The following NAV3 variants were observed in gnomAD, a reference collection of about 807,000 sequenced individuals.
NAV3 encodes neuron navigator 3, also known as pore membrane and/or filament interacting like protein 1.
Under a neutral mutation model 244.7 loss-of-function variants are expected in NAV3, and 87 were observed. That is an observed-to-expected ratio of 0.36 (90% CI 0.30 to 0.42). The LOEUF is 0.42. Among genes scored for constraint, NAV3 ranks in the 20% least tolerant of loss-of-function variants. The probability of loss-of-function intolerance (pLI) is 1.00; values close to 1 mark genes in which losing one functional copy is unlikely to be tolerated. For missense variants in NAV3, 2,663 were observed against 2,893.3 expected, an observed-to-expected ratio of 0.92 and a Z score of 1.83; for synonymous variants, 1,126 against 1,042.2, an observed-to-expected ratio of 1.08 and a Z score of -1.55.
chr12:77,571,877 A>AT (rs577113437), exon 2 of NAV3: 30 of 152,302 alleles, frequency 2.0e-4, no homozygotes, highest in African/African-American at 6.7e-4. Flanking sequence ...GAAATCTGTC[A>AT]TTTTTTATTA....
intron 1 of NAV3, among the ~76,000 whole-genome samples, chr12:77,929,237 C>G (rs1888532977): frequency 6.6e-6 from 1 of 152,106 alleles, no homozygotes; most frequent in Non-Finnish European, 1.5e-5. Flanking sequence ...CAACTAAAAT[C>G]AAACCGTTTT....
chr12:77,906,724 TAC>T (rs1886015654), intron 1 of NAV3, among the ~76,000 whole-genome samples: 1 of 152,102 alleles, frequency 6.6e-6, no homozygotes. Context: ...GTATCCACAT[TAC>T]AGGGATGTTG....
At chr12:77,835,365 T>C (rs577948128) in intron 1 of NAV3, among the ~76,000 whole-genome samples, 22 of 152,318 alleles carry the variant, frequency 1.4e-4, no homozygotes, top group Admixed American at 3.9e-4. Context: ...ACGACTGTCA[T>C]TAAGAAACAT....
chr12:78,168,943 T>A, intron 24 of NAV3, 77 bp downstream of exon 24: 1 of 934,296 alleles, frequency 1.1e-6, no homozygotes, highest in Non-Finnish European at 1.6e-6. Context: ...TAGAACTGCA[T>A]TTACTCAGTG....
At chr12:77,794,077 T>C (rs1477071394) in intron 2 of NAV3, among the ~76,000 whole-genome samples, 3 of 152,236 alleles carry the variant, frequency 2.0e-5, no homozygotes, top group Non-Finnish European at 2.9e-5. Flanking sequence ...TGACCAGTGA[T>C]GATGAGCTTT....
At chr12:77,622,312 A>G (rs1306170500) in intron 2 of NAV3, among the ~76,000 whole-genome samples, 1 of 151,996 alleles carries the variant, frequency 6.6e-6, no homozygotes, top group East Asian at 1.9e-4. Context: ...GGTGCCCGCC[A>G]CCACACCCGG....
chr12:77,961,083 GTA>G (rs1227867882), intron 3 of NAV3, among the ~76,000 whole-genome samples: 8 of 143,906 alleles, frequency 5.6e-5, no homozygotes, highest in Non-Finnish European at 1.5e-5. Context: ...ATGTATATAT[GTA>G]TATGTTACAT....
At chr12:77,593,276 G>A (rs1869992935) in intron 2 of NAV3, among the ~76,000 whole-genome samples, 1 of 14,430 alleles carries the variant, frequency 6.9e-5, no homozygotes, top group Non-Finnish European at 1.5e-4. Flanking sequence ...GTGTGTATGT[G>A]TGTCTGTGTG....
At chr12:77,573,367 G>T (rs1261711544) in intron 2 of NAV3, among the ~76,000 whole-genome samples, 1 of 152,114 alleles carries the variant, frequency 6.6e-6, no homozygotes, top group East Asian at 1.9e-4. Context: ...GTCATTAATA[G>T]AGGCAGAAAT....
chr12:77,624,938 T>G (rs1871549123), intron 2 of NAV3, among the ~76,000 whole-genome samples: 1 of 152,196 alleles, frequency 6.6e-6, no homozygotes, highest in Non-Finnish European at 1.5e-5. Flanking sequence ...TTTAAAAATA[T>G]GTATTTAGCT....
chr12:77,946,106 A>G lies in NAV3; in HGVS notation c.414+4973A>G, dbSNP rs879765796. On this transcript the variant is annotated intron_variant, in intron 3 of 39. Coordinates refer to ENST00000397909, the MANE Select transcript of NAV3 (RefSeq NM_001024383.2). ...AAATTCACCATATATATATATGTAT[A>G]TATATATATATATATTGTGTAAATA... Among the ~76,000 whole-genome samples the G allele has an allele frequency of 1.8e-3, 264 of 145,374 alleles. 1 individual carries two copies. Among genetic ancestry groups the G allele is most frequent in the Non-Finnish European group, 2.2e-3 (148 of 66,372 alleles).
At chr12:77,924,877 T>A (rs1010881968) in intron 1 of NAV3, among the ~76,000 whole-genome samples, 2 of 152,002 alleles carry the variant, frequency 1.3e-5, no homozygotes, top group Non-Finnish European at 2.9e-5. Flanking sequence ...ATTTTACTTT[T>A]GCACATGTTT....
In NAV3 at chr12:77,723,266, A is replaced by T. The variant is rs369283559; in HGVS notation, c.72+151000A>T. 8.4e-5 allele frequency among the ~76,000 whole-genome samples: 7 copies of T among 83,588 alleles called. No individual in the cohort carries two copies. In the South Asian group the frequency reaches 5.6e-3, roughly 67 times the overall value. 54.8% of individuals were successfully genotyped at this position (83,588 alleles called of 152,430 possible). Reference sequence around the variant, plus strand: ...ACATTTTACAGAAGTGACTGCGAATAAAGTAAACCAAGGAGAAGATCTCTG... The same window carrying T: ...ACATTTTACAGAAGTGACTGCGAATTAAGTAAACCAAGGAGAAGATCTCTG... On this transcript the variant is annotated intron_variant, in intron 2 of 8. Coordinates refer to the NAV3 transcript ENST00000550042.
chr12:77,952,966 A>G (rs895399422), intron 3 of NAV3, among the ~76,000 whole-genome samples: 2 of 152,170 alleles, frequency 1.3e-5, no homozygotes, highest in Non-Finnish European at 2.9e-5. Flanking sequence ...ATAAAACAAT[A>G]AATTCCCTTG....
intron 4 of NAV3, 48 bp from the exon 5 acceptor site, chr12:77,968,471 G>C (rs1020779982): frequency 7.1e-7 from 1 of 1,416,056 alleles, no homozygotes; most frequent in Non-Finnish European, 9.9e-7. Flanking sequence ...TGTTAAAAAG[G>C]ACATTAAATA....
intron 12 of NAV3, among the ~76,000 whole-genome samples, chr12:78,059,603 T>C (rs947351643): frequency 1.3e-5 from 2 of 152,112 alleles, no homozygotes; most frequent in Non-Finnish European, 2.9e-5. Context: ...GGGATATTTT[T>C]AAAACTAGGA....
intron 2 of NAV3, among the ~76,000 whole-genome samples, chr12:77,823,312 G>C (rs1252704020): frequency 6.6e-6 from 1 of 152,176 alleles, no homozygotes; most frequent in African/African-American, 2.4e-5. Flanking sequence ...GAGAGACACA[G>C]AGAGAGATAC....
intron 16 of NAV3, among the ~76,000 whole-genome samples, 175 bp from the exon 17 acceptor site, chr12:78,126,992 G>C (rs890103685): frequency 6.6e-6 from 1 of 152,160 alleles, no homozygotes; most frequent in Non-Finnish European, 1.5e-5. Context: ...ACTCAAATAT[G>C]TGTGACGGCA....
chr12:77,673,025 A>G (rs1324077408), intron 2 of NAV3, among the ~76,000 whole-genome samples: 4 of 152,028 alleles, frequency 2.6e-5, no homozygotes, highest in Admixed American at 1.3e-4. Context: ...CAGAATTCTT[A>G]GTGTTGTAGA....
Sources: allele counts gnomAD v4.1 joint callset (sites outside exome capture counted in the v4.1 genomes callset), GRCh38; gene constraint gnomAD v4.1.1; transcripts MANE v1.5; gene names NCBI Gene and HGNC (gene_info 2026-07-23, HGNC 2026-07-21).